Variants in TTC29 observed in about 807,000 individuals in gnomAD.
TTC29 encodes the protein tetratricopeptide repeat domain 29.
A neutral mutation model predicts 58.1 loss-of-function variants in TTC29; 49 were observed. The observed-to-expected ratio is 0.84, with a 90% CI of 0.67 to 1.07. The LOEUF is 1.07. TTC29 is among the 50% of genes least tolerant of loss of function. The probability of loss-of-function intolerance (pLI) is 0.00; values close to 1 mark genes in which losing one functional copy is unlikely to be tolerated. For missense variants in TTC29, 582 were observed against 555.6 expected (o/e 1.05, Z -0.48); for synonymous variants, 209 against 196.8 (o/e 1.06, Z -0.52).
chr4:146,828,345 A>G (rs950675357), intron 9 of TTC29, among the ~76,000 whole-genome samples: 7 of 152,114 alleles, frequency 4.6e-5, no homozygotes, highest in African/African-American at 1.7e-4. Context: ...GAGTGAACTT[A>G]TGGATTTCTA....
intron 4 of TTC29, among the ~76,000 whole-genome samples, chr4:146,912,247 A>C (rs1308264281): frequency 1.3e-5 from 2 of 152,208 alleles, no homozygotes; most frequent in Admixed American, 6.5e-5. Context: ...AAGATCTGAA[A>C]ATAAATGTTG....
intron 6 of TTC29, among the ~76,000 whole-genome samples, chr4:146,893,066 G>A (rs577851131): frequency 6.6e-6 from 1 of 152,284 alleles, no homozygotes; most frequent in African/African-American, 2.4e-5. Flanking sequence ...CCATGCTCAT[G>A]GATAGGAAGA....
intron 4 of TTC29, among the ~76,000 whole-genome samples, chr4:146,909,728 CTA>C (rs1350662594): frequency 2.6e-5 from 4 of 152,140 alleles, no homozygotes; most frequent in African/African-American, 4.8e-5. Context: ...CTATTACTAA[CTA>C]TATATTTTTT....
intron 11 of TTC29, among the ~76,000 whole-genome samples, chr4:146,769,696 C>T (rs1324615346): frequency 6.6e-6 from 1 of 151,908 alleles, no homozygotes; most frequent in Admixed American, 6.6e-5. Flanking sequence ...ATACTTTGGG[C>T]CGAGAATCAG....
At chr4:146,785,872 T>C (rs1004849420) in intron 11 of TTC29, among the ~76,000 whole-genome samples, 5 of 152,094 alleles carry the variant, frequency 3.3e-5, no homozygotes, top group African/African-American at 9.7e-5. Flanking sequence ...TAAGAGAGTT[T>C]GAACAGTTAA....
At chr4:146,798,711 C>T (rs1460779815) in intron 11 of TTC29, among the ~76,000 whole-genome samples, 1 of 151,358 alleles carries the variant, frequency 6.6e-6, no homozygotes, top group Admixed American at 6.6e-5. Flanking sequence ...CACAGTGAAA[C>T]CCCGTCTCTA....
At chr4:146,833,482 C>T (rs372053008) in intron 9 of TTC29, among the ~76,000 whole-genome samples, 22 of 152,238 alleles carry the variant, frequency 1.4e-4, no homozygotes, top group African/African-American at 5.1e-4. Flanking sequence ...GCCACTGAAG[C>T]GTACTACATA....
chr4:146,716,954 A>C (rs1742976578), intron 11 of TTC29, among the ~76,000 whole-genome samples: 1 of 152,200 alleles, frequency 6.6e-6, no homozygotes, highest in Non-Finnish European at 1.5e-5. Flanking sequence ...CCAAACCAGG[A>C]GCATTAACAT....
chr4:146,909,124 C>T lies in TTC29; in HGVS notation c.302G>A (p.Arg101Lys). 1 of 1,613,898 alleles carries T rather than the reference C, an allele frequency of 6.2e-7. No homozygotes were observed. ...WDALREAARVRSLFWLQKPLE... is the reference protein window; with the variant it reads ...WDALREAARVKSLFWLQKPLE... ...GGGCTTCTGCAGCCAGAAGAGGGAC[C>T]TGACTCTCGCAGCCTCCCTCAGGGC... Residue 101 changes from arginine (R) to lysine (K), a missense_variant, in exon 5 of 13, where the codon AGG becomes AAG. Physicochemically the swap from Arg to Lys is conservative, Grantham distance 26. Transcript: ENST00000325106.
chr4:146,810,418 T>C (rs774762215), intron 10 of TTC29, among the ~76,000 whole-genome samples: 4 of 152,068 alleles, frequency 2.6e-5, no homozygotes, highest in Non-Finnish European at 4.4e-5. Flanking sequence ...AAAAGTCTTA[T>C]GTTCTTATCA....
Position 146,707,093 on chromosome 4 carries a change from A to G in TTC29, c.*65T>C. On this transcript the variant is annotated 3_prime_UTR_variant, in exon 13 of 13. Transcript: ENST00000325106. Reference sequence around the variant, plus strand: ...ATTATCTGTAACATGCTCCTATTACAAGTATTGAAGTCTAAGGTGACATGA... The same window carrying G: ...ATTATCTGTAACATGCTCCTATTACGAGTATTGAAGTCTAAGGTGACATGA... 1 of 1,199,656 alleles carries G rather than the reference A, an allele frequency of 8.3e-7. No individual in the cohort carries two copies. The highest frequency in any genetic ancestry group is 1.6e-5 in the South Asian group (1 of 61,212). The allele number at this position is 1,199,656 out of a possible 1,614,324, so 74.3% of individuals were successfully genotyped here. A position where few individuals can be genotyped will look rare whatever the true frequency, so the allele number is the denominator to read the frequency against.
At chr4:146,943,450 G>GA (rs1481431310) in intron 2 of TTC29, among the ~76,000 whole-genome samples, 1 of 152,036 alleles carries the variant, frequency 6.6e-6, no homozygotes, top group Admixed American at 6.5e-5. Context: ...AAGCATGTTG[G>GA]AAAAAATATC....
chr4:146,896,611 T>C (rs542016704), intron 6 of TTC29, among the ~76,000 whole-genome samples: 1 of 152,344 alleles, frequency 6.6e-6, no homozygotes, highest in East Asian at 1.9e-4. Flanking sequence ...AAAGCATTCT[T>C]AAAATACATT....
intron 4 of TTC29, among the ~76,000 whole-genome samples, chr4:146,935,191 T>C (rs1250480907): frequency 6.6e-6 from 1 of 151,916 alleles, no homozygotes; most frequent in East Asian, 1.9e-4. Context: ...TAGATGACAG[T>C]AGGAACTCTC....
intron 6 of TTC29, among the ~76,000 whole-genome samples, chr4:146,892,839 C>T (rs1418323410): frequency 6.6e-6 from 1 of 152,194 alleles, no homozygotes; most frequent in Non-Finnish European, 1.5e-5. Context: ...AGCAAAGTCT[C>T]AGGATACAAA....
intron 11 of TTC29, among the ~76,000 whole-genome samples, chr4:146,785,839 T>C (rs1258425024): frequency 6.7e-6 from 1 of 150,218 alleles, no homozygotes; most frequent in Non-Finnish European, 1.5e-5. Context: ...ATTATCTGCA[T>C]TTTACTTATG....
chr4:146,797,537 A>T (rs1284696021), intron 11 of TTC29, among the ~76,000 whole-genome samples: 4 of 150,354 alleles, frequency 2.7e-5, no homozygotes, highest in Non-Finnish European at 5.9e-5. Context: ...TTTGATGCTT[A>T]TTTTTTTTTA....
intron 8 of TTC29, among the ~76,000 whole-genome samples, chr4:146,852,442 C>T (rs1441342501): frequency 6.6e-6 from 1 of 152,164 alleles, no homozygotes; most frequent in East Asian, 1.9e-4. Flanking sequence ...GCTTTGTGAC[C>T]ACGGGCTGAC....
chr4:146,887,385 A>G (rs1269458496), intron 6 of TTC29, among the ~76,000 whole-genome samples: 1 of 152,108 alleles, frequency 6.6e-6, no homozygotes, highest in Non-Finnish European at 1.5e-5. Flanking sequence ...GACTTGTTGT[A>G]AGTTTGTCTA....
Sources: allele counts gnomAD v4.1 joint callset (sites outside exome capture counted in the v4.1 genomes callset), GRCh38; gene constraint gnomAD v4.1.1; transcripts MANE v1.5; gene names NCBI Gene and HGNC (gene_info 2026-07-23, HGNC 2026-07-21).